NRXN3: variants seen among roughly 807,000 people sequenced by gnomAD.
NRXN3 encodes the protein neurexin 3.
In NRXN3, 32 loss-of-function variants were observed where a neutral mutation model predicts 137.6. The observed-to-expected ratio is 0.23, with a 90% CI of 0.18 to 0.31. The LOEUF is 0.31. NRXN3 is among the 10% of genes least tolerant of loss of function. The pLI, the probability that NRXN3 is intolerant of heterozygous loss-of-function variation, is 1.00. For missense variants in NRXN3, 1,574 were observed against 2,062.5 expected, an observed-to-expected ratio of 0.76 and a Z score of 4.59; for synonymous variants, 798 against 784.5, an observed-to-expected ratio of 1.02 and a Z score of -0.29.
chr14:79,385,055 G>T (rs919636371), intron 15 of NRXN3, among the ~76,000 whole-genome samples: 4 of 151,790 alleles, frequency 2.6e-5, no homozygotes, highest in Non-Finnish European at 5.9e-5. Flanking sequence ...TGATAATTTA[G>T]ATGGTGTCTT....
intron 19 of NRXN3, among the ~76,000 whole-genome samples, chr14:79,756,368 T>A (rs1274956562): frequency 6.6e-6 from 1 of 152,192 alleles, no homozygotes; most frequent in African/African-American, 2.4e-5. Flanking sequence ...AAAAAGTTTT[T>A]CTTTTCTAGC....
At chr14:78,656,939 T>C (rs2097789110) in intron 6 of NRXN3, among the ~76,000 whole-genome samples, 1 of 148,316 alleles carries the variant, frequency 6.7e-6, no homozygotes, top group African/African-American at 2.5e-5. Context: ...CCCAGCTACT[T>C]GAGAGGCTGA....
At chr14:78,226,450 A>G (rs1371314130) in intron 1 of NRXN3, among the ~76,000 whole-genome samples, 1 of 152,208 alleles carries the variant, frequency 6.6e-6, no homozygotes. Context: ...CTGGAATAAC[A>G]AATGCCCATC....
chr14:78,661,645 C>G (rs1329550725), intron 6 of NRXN3, among the ~76,000 whole-genome samples: 1 of 152,170 alleles, frequency 6.6e-6, no homozygotes, highest in Non-Finnish European at 1.5e-5. Flanking sequence ...AAGGAGGTAA[C>G]AGTTCTGCAG....
chr14:79,499,068 G>A (rs1601254808), intron 16 of NRXN3, among the ~76,000 whole-genome samples: 1 of 152,136 alleles, frequency 6.6e-6, no homozygotes, highest in East Asian at 1.9e-4. Context: ...CCTCAAAGAA[G>A]CCAGAATGGT....
Position 79,761,684 on chromosome 14 carries a change from CAAAA to C in NRXN3, c.4015-43406_4015-43403del, listed in dbSNP as rs10599873. Among the ~76,000 whole-genome samples, 438 of 78,858 alleles carry C rather than the reference CAAAA, an allele frequency of 5.6e-3. 1 individual carries two copies. Among genetic ancestry groups the C allele is most frequent in the African/African-American group, 0.014 (259 of 18,920 alleles). 51.7% of individuals were successfully genotyped at this position (78,858 alleles called of 152,430 possible). A position where few individuals can be genotyped will look rare whatever the true frequency, so the allele number is the denominator to read the frequency against. ...CTGGCAACAAAGCGAGACTCTGTCT[CAAAA>C]AAAAAAAAAAAAAAAAAAAAATAGA... On this transcript the variant is annotated intron_variant, in intron 19 of 20. Transcript: ENST00000335750.
At chr14:78,391,158 C>G (rs188474517) in intron 4 of NRXN3, among the ~76,000 whole-genome samples, 2 of 152,076 alleles carry the variant, frequency 1.3e-5, no homozygotes, top group Non-Finnish European at 2.9e-5. Context: ...CATATGTACC[C>G]CTGTTCTGAT....
intron 15 of NRXN3, among the ~76,000 whole-genome samples, chr14:79,094,477 T>C (rs540540574): frequency 8.4e-4 from 128 of 152,344 alleles, no homozygotes; most frequent in African/African-American, 3.1e-3. Context: ...TGAATCACAA[T>C]GGAATACATG....
chr14:78,405,773 C>T (rs958624707), intron 4 of NRXN3, among the ~76,000 whole-genome samples: 2 of 152,122 alleles, frequency 1.3e-5, no homozygotes, highest in Admixed American at 1.3e-4. Context: ...TTCATTCAAC[C>T]CATACAAAAA....
At chr14:78,188,009 A>C (rs183565618) in intron 1 of NRXN3, among the ~76,000 whole-genome samples, 15 of 152,252 alleles carry the variant, frequency 9.9e-5, no homozygotes, top group African/African-American at 3.6e-4. Flanking sequence ...GTAAATTAAC[A>C]CATAGGGAGC....
intron 15 of NRXN3, among the ~76,000 whole-genome samples, chr14:79,225,248 G>A (rs925755159): frequency 2.0e-5 from 3 of 152,136 alleles, no homozygotes; most frequent in African/African-American, 7.2e-5. Context: ...AGGTTGGACA[G>A]GTTCTGTTTG....
Position 78,243,351 on chromosome 14 carries a change from G to C in NRXN3, c.258G>C (p.Gln86His). The C allele has an allele frequency of 6.4e-7, 1 of 1,561,364 alleles. No homozygotes were observed. Among genetic ancestry groups the C allele is most frequent in the Non-Finnish European group, 8.6e-7 (1 of 1,160,998 alleles). Residue 86 changes from glutamine (Q) to histidine (H), a missense_variant, in exon 2 of 21, where the codon CAG becomes CAC. Gln to His is a conservative substitution (Grantham distance 24). Coordinates refer to ENST00000335750, the MANE Select transcript of NRXN3 (RefSeq NM_001330195.2). The surrounding 1 kb of genome is among the most constrained non-coding windows in gnomAD (Gnocchi z 4.2). ...TCTCCCTGGTGGATGGCCGCGTTCA[G>C]CTCCGCTTCAGCATGGACTGTGCCG... is the stretch of plus-strand genomic sequence containing the variant. ...LCLSLVDGRV[Q>H]LRFSMDCAET... is the part of the protein sequence containing the mutation.
intron 15 of NRXN3, among the ~76,000 whole-genome samples, chr14:79,255,640 T>G (rs1447976766): frequency 6.6e-6 from 1 of 152,272 alleles, no homozygotes; most frequent in Non-Finnish European, 1.5e-5. Context: ...ATTATCATCC[T>G]TATTATCCAT....
At chr14:79,563,516 G>T (rs1328829708) in intron 16 of NRXN3, among the ~76,000 whole-genome samples, 4 of 152,076 alleles carry the variant, frequency 2.6e-5, no homozygotes, top group Non-Finnish European at 5.9e-5. Flanking sequence ...TAAGCTTTGA[G>T]AATGTGACCA....
At chr14:78,626,094 A>G (rs2097455312) in intron 4 of NRXN3, among the ~76,000 whole-genome samples, 1 of 152,222 alleles carries the variant, frequency 6.6e-6, no homozygotes, top group Non-Finnish European at 1.5e-5. Flanking sequence ...CCCTATGGCC[A>G]GTGAAAAACA....
chr14:79,054,431 A>G (rs1360861982), intron 15 of NRXN3, among the ~76,000 whole-genome samples: 1 of 152,172 alleles, frequency 6.6e-6, no homozygotes. Context: ...CTTGATGACC[A>G]TCTCCTACCC....
intron 4 of NRXN3, among the ~76,000 whole-genome samples, chr14:78,492,530 A>G (rs1421119662): frequency 6.6e-6 from 1 of 152,180 alleles, no homozygotes; most frequent in Non-Finnish European, 1.5e-5. Context: ...TAGTATTGGT[A>G]TAGTATAAAT....
In NRXN3 at chr14:78,425,915, G is replaced by A. The variant is rs754258200; in HGVS notation, c.757+128055G>A. ...TTGGCCCGTAGTCAAGGCCCAAGAA[G>A]TTATAAATACGCACCACGTGAGTGG... On this transcript the variant is annotated intron_variant, in intron 4 of 20. Transcript: ENST00000335750. Among the ~76,000 whole-genome samples the A allele has an allele frequency of 3.3e-5, 5 of 152,302 alleles. 1 individual carries two copies. The Middle Eastern group carries it at 0.01, about 311-fold the overall frequency.
chr14:78,513,862 C>A (rs1281571918), intron 4 of NRXN3, among the ~76,000 whole-genome samples: 2 of 152,108 alleles, frequency 1.3e-5, no homozygotes, highest in Non-Finnish European at 2.9e-5. Flanking sequence ...TGGGTTATTT[C>A]ATCAGTTTTT....
Sources: allele counts gnomAD v4.1 joint callset (sites outside exome capture counted in the v4.1 genomes callset), GRCh38; gene constraint gnomAD v4.1.1; non-coding constraint Gnocchi (gnomAD v3.1); transcripts MANE v1.5; gene names NCBI Gene and HGNC (gene_info 2026-07-23, HGNC 2026-07-21).